Variants in XYLT1 observed in about 807,000 individuals in gnomAD.
XYLT1 encodes the protein beta-D-xylosyltransferase 1.
In XYLT1, 36 loss-of-function variants were observed where a neutral mutation model predicts 91.3. The observed-to-expected ratio is 0.39, with a 90% confidence interval of 0.30 to 0.52. XYLT1 has a LOEUF of 0.52. Among genes scored for constraint, XYLT1 ranks in the 20% least tolerant of loss-of-function variants. XYLT1 has a pLI of 0.68. For missense variants in XYLT1, 1,242 were observed against 1,284.5 expected, an observed-to-expected ratio of 0.97 and a Z score of 0.51; for synonymous variants, 588 against 532.0, an observed-to-expected ratio of 1.11 and a Z score of -1.45.
intron 1 of XYLT1, among the ~76,000 whole-genome samples, chr16:17,432,074 A>G (rs1054368480): frequency 6.6e-6 from 1 of 152,166 alleles, no homozygotes; most frequent in Non-Finnish European, 1.5e-5. Flanking sequence ...TCCAGTTTAT[A>G]AGAAGATAAA....
intron 2 of XYLT1, among the ~76,000 whole-genome samples, chr16:17,299,739 C>T (rs956526552): frequency 6.6e-6 from 1 of 152,106 alleles, no homozygotes; most frequent in African/African-American, 2.4e-5. Context: ...CAGAACATAG[C>T]TCTTATATAA....
At chr16:17,320,496 T>TC (rs1438889968) in intron 2 of XYLT1, among the ~76,000 whole-genome samples, 1 of 151,024 alleles carries the variant, frequency 6.6e-6, no homozygotes, top group African/African-American at 2.4e-5. Context: ...TTTTTTTTTT[T>TC]TTGAGACTGA....
At chr16:17,211,466 G>A (rs1403255817) in intron 3 of XYLT1, among the ~76,000 whole-genome samples, 8 of 152,102 alleles carry the variant, frequency 5.3e-5, no homozygotes, top group Non-Finnish European at 2.9e-5. Context: ...AGAAGTCTGT[G>A]GAGAAACACT....
intron 1 of XYLT1, among the ~76,000 whole-genome samples, chr16:17,401,668 C>A (rs1286659794): frequency 1.3e-5 from 2 of 151,932 alleles, no homozygotes; most frequent in African/African-American, 4.8e-5. Flanking sequence ...TCAGATAATG[C>A]CTGGCCTAGT....
chr16:17,173,102 A>G (rs759592216), intron 5 of XYLT1, among the ~76,000 whole-genome samples: 1 of 152,248 alleles, frequency 6.6e-6, no homozygotes, highest in African/African-American at 2.4e-5. Flanking sequence ...CTGATCACAT[A>G]AACTCTGCCG....
chr16:17,114,381 C>T (rs1370138946), intron 11 of XYLT1, among the ~76,000 whole-genome samples: 1 of 152,138 alleles, frequency 6.6e-6, no homozygotes, highest in African/African-American at 2.4e-5. Flanking sequence ...GGCACTGAGC[C>T]CTCACTCTGT....
chr16:17,440,374 A>G (rs1215602596), intron 1 of XYLT1, among the ~76,000 whole-genome samples: 1 of 152,250 alleles, frequency 6.6e-6, no homozygotes, highest in Non-Finnish European at 1.5e-5. Flanking sequence ...ACAGGCAAAC[A>G]ATAAGTGGTA....
At chr16:17,385,337 T>G (rs971252200) in intron 1 of XYLT1, among the ~76,000 whole-genome samples, 3 of 150,884 alleles carry the variant, frequency 2.0e-5, no homozygotes, top group Admixed American at 6.7e-5. Context: ...TTGGCCTCCC[T>G]GGAACATCTG....
intron 9 of XYLT1, among the ~76,000 whole-genome samples, chr16:17,131,423 T>C (rs1405636777): frequency 6.6e-6 from 1 of 152,136 alleles, no homozygotes; most frequent in Non-Finnish European, 1.5e-5. Context: ...CTAAAAAAAA[T>C]TAGGAGATTT....
intron 5 of XYLT1, among the ~76,000 whole-genome samples, chr16:17,174,195 CT>C (rs1306496416): frequency 6.6e-6 from 1 of 152,228 alleles, no homozygotes; most frequent in Non-Finnish European, 1.5e-5. Flanking sequence ...TGAAATTCCT[CT>C]GTTTTTCTAC....
intron 2 of XYLT1, among the ~76,000 whole-genome samples, chr16:17,328,392 CA>C (rs1304515096): frequency 6.6e-6 from 1 of 151,172 alleles, no homozygotes; most frequent in Non-Finnish European, 1.5e-5. Context: ...ACTAAAAATA[CA>C]AAAAAATTAG....
chr16:17,122,262 ATC>A (rs1253703998), intron 10 of XYLT1, among the ~76,000 whole-genome samples: 1 of 152,030 alleles, frequency 6.6e-6, no homozygotes, highest in Non-Finnish European at 1.5e-5. Context: ...CCATGCCAAC[ATC>A]TGTTATTTTT....
intron 3 of XYLT1, among the ~76,000 whole-genome samples, chr16:17,253,532 G>C (rs2033577466): frequency 1.3e-5 from 2 of 152,146 alleles, no homozygotes; most frequent in African/African-American, 4.8e-5. Context: ...CAGTCATAAA[G>C]CAAATAGGGA....
chr16:17,167,604 G>A (rs1393036324), intron 5 of XYLT1, among the ~76,000 whole-genome samples: 1 of 151,096 alleles, frequency 6.6e-6, no homozygotes, highest in Admixed American at 6.6e-5. Context: ...TCTCGTGAAC[G>A]GATTCTAACC....
intron 10 of XYLT1, among the ~76,000 whole-genome samples, chr16:17,119,589 G>C (rs2029976442): frequency 6.6e-6 from 1 of 152,220 alleles, no homozygotes; most frequent in Non-Finnish European, 1.5e-5. Context: ...TCTTTACCCA[G>C]CTTACAGAGC....
At chr16:17,386,508 C>T (rs577965330) in intron 1 of XYLT1, among the ~76,000 whole-genome samples, 1 of 152,200 alleles carries the variant, frequency 6.6e-6, no homozygotes, top group South Asian at 2.1e-4. Flanking sequence ...TGGAGGGGCT[C>T]AGGAACTTGG....
chr16:17,450,295 G>A (rs9941001), intron 1 of XYLT1, among the ~76,000 whole-genome samples: 427 of 151,996 alleles, frequency 2.8e-3, no homozygotes, highest in African/African-American at 8.8e-3. Context: ...CTGAGATTGC[G>A]CCACTGCACT....
intron 2 of XYLT1, among the ~76,000 whole-genome samples, chr16:17,349,885 T>C (rs929875598): frequency 1.4e-4 from 21 of 152,062 alleles, no homozygotes; most frequent in African/African-American, 5.1e-4. Context: ...GAGTGATCTT[T>C]TTTTTTTAGA....
At chr16:17,448,991 G>A (rs755704375) in intron 1 of XYLT1, among the ~76,000 whole-genome samples, 5 of 152,152 alleles carry the variant, frequency 3.3e-5, no homozygotes, top group African/African-American at 4.8e-5. Context: ...GCACCTTGGC[G>A]CCAAGTCCCC....
Sources: allele counts gnomAD v4.1 joint callset (sites outside exome capture counted in the v4.1 genomes callset), GRCh38; gene constraint gnomAD v4.1.1; transcripts MANE v1.5; gene names NCBI Gene and HGNC (gene_info 2026-07-23, HGNC 2026-07-21).